Variants in MTRR observed in about 807,000 individuals in gnomAD.
MTRR encodes the protein methionine synthase reductase.
A neutral mutation model predicts 79.2 loss-of-function variants in MTRR; 63 were observed. That is an observed-to-expected ratio of 0.80 (90% CI 0.65 to 0.98). The LOEUF (loss-of-function observed/expected upper bound fraction) is 0.98, where lower values mean the gene tolerates loss of function less well. Among genes scored for constraint, MTRR ranks in the 50% least tolerant of loss-of-function variants. The pLI is 0.00. For missense variants in MTRR, 895 were observed against 839.6 expected (o/e 1.07, Z -0.82); for synonymous variants, 355 against 313.3 (o/e 1.13, Z -1.41).
chr5:7,852,238 A>G (rs1746097428), intron 1 of MTRR, among the ~76,000 whole-genome samples: 1 of 152,192 alleles, frequency 6.6e-6, no homozygotes. Flanking sequence ...CTTGTCTGCC[A>G]TTCTGTGATG....
intron 6 of MTRR, among the ~76,000 whole-genome samples, chr5:7,884,861 A>G (rs1736156651): frequency 6.6e-6 from 1 of 152,036 alleles, no homozygotes; most frequent in Admixed American, 6.5e-5. Flanking sequence ...TGTAGATTTA[A>G]TCAAACTTCC....
chr5:7,877,172 G>A (rs1246637518), intron 4 of MTRR, among the ~76,000 whole-genome samples: 2 of 152,106 alleles, frequency 1.3e-5, no homozygotes, highest in African/African-American at 2.4e-5. Context: ...GATTAAAAGT[G>A]GTGTTATTTC....
chr5:7,896,630 A>G, intron 12 of MTRR: 2 of 578,498 alleles, frequency 3.5e-6, no homozygotes, highest in South Asian at 4.1e-5. Context: ...AATTGTCCTC[A>G]TTTTGTGTAT....
intron 5 of MTRR, among the ~76,000 whole-genome samples, chr5:7,878,854 G>C (rs1310285734): frequency 1.3e-5 from 2 of 152,240 alleles, no homozygotes; most frequent in Non-Finnish European, 2.9e-5. Context: ...AGAGCAGGCA[G>C]TCTTTGAATG....
chr5:7,872,190 A>C (rs140605937), intron 2 of MTRR: 7,321 of 446,484 alleles, frequency 0.016, 78 homozygotes, highest in Non-Finnish European at 0.024. Context: ...GAAGCATTAA[A>C]TACTTCGGTA....
chr5:7,862,177 C>T (rs1321290261), intron 2 of MTRR: 2 of 152,534 alleles, frequency 1.3e-5, no homozygotes, highest in African/African-American at 4.8e-5. Flanking sequence ...AAGTGACCAT[C>T]TGAAGCCTAT....
Position 7,900,465 on chromosome 5 carries a change from A to G in MTRR, c.*407A>G, listed in dbSNP as rs1423192181. 4.7e-6 allele frequency: 1 copy of G among 211,188 alleles called. No homozygotes were observed. Among genetic ancestry groups the G allele is most frequent in the Non-Finnish European group, 9.7e-6 (1 of 103,506 alleles). The allele number at this position is 211,188 out of a possible 1,614,324, so 13.1% of individuals were successfully genotyped here. ...GTGCCAACATTTAAAAAAGTATGAAAATGATTTATTTTTATATGATGTATA... is the reference window on the plus strand; with the variant it reads ...GTGCCAACATTTAAAAAAGTATGAAGATGATTTATTTTTATATGATGTATA... On this transcript the variant is annotated 3_prime_UTR_variant, in exon 15 of 15. Transcript: ENST00000440940.
At chr5:7,885,563 T>A in intron 6 of MTRR, 138 bp from the exon 7 acceptor site, 2 of 558,082 alleles carry the variant, frequency 3.6e-6, no homozygotes, top group Non-Finnish European at 2.8e-6. Flanking sequence ...CAATTGTGTG[T>A]TTTTTTTTTT....
chr5:7,873,919 C>CT (rs1194398530), intron 3 of MTRR, among the ~76,000 whole-genome samples: 1 of 152,208 alleles, frequency 6.6e-6, no homozygotes, highest in Non-Finnish European at 1.5e-5. Flanking sequence ...GATAACTTCT[C>CT]TAAGAACGAT....
upstream of MTRR, chr5:7,868,160 A>C: frequency 1.4e-6 from 1 of 716,916 alleles, no homozygotes; most frequent in Non-Finnish European, 2.1e-6. Context: ...AACATGATTG[A>C]CCCAACATCA....
chr5:7,886,003 CAT>C, intron 7 of MTRR, 149 bp downstream of exon 7: 3 of 937,636 alleles, frequency 3.2e-6, no homozygotes, highest in Non-Finnish European at 5.1e-6. Flanking sequence ...GGAACACAGG[CAT>C]ACGCTGGTAT....
intron 5 of MTRR, among the ~76,000 whole-genome samples, chr5:7,882,371 C>G (rs777115508): frequency 6.6e-6 from 1 of 152,216 alleles, no homozygotes; most frequent in Non-Finnish European, 1.5e-5. Context: ...TAGTCATTGT[C>G]AGCACTGCCA....
chr5:7,869,449 G>A, intron 1 of MTRR: 1 of 566,194 alleles, frequency 1.8e-6, no homozygotes, highest in Non-Finnish European at 3.1e-6. Flanking sequence ...CTCTGCCGCG[G>A]GAGGCCCCTG....
chr5:7,884,528 G>C (rs539703297), intron 6 of MTRR, among the ~76,000 whole-genome samples: 3 of 151,240 alleles, frequency 2.0e-5, no homozygotes, highest in African/African-American at 7.3e-5. Context: ...GTTTTTTTCC[G>C]TCCCAAATAT....
chr5:7,896,806 A>T, intron 12 of MTRR, 58 bp from the exon 13 acceptor site: 1 of 1,324,728 alleles, frequency 7.5e-7, no homozygotes, highest in Non-Finnish European at 1.1e-6. Flanking sequence ...CTAATGAAAG[A>T]GATTGGTTTT....
chr5:7,879,908 A>G (rs1440412044), intron 5 of MTRR, among the ~76,000 whole-genome samples: 2 of 152,160 alleles, frequency 1.3e-5, no homozygotes, highest in African/African-American at 4.8e-5. Flanking sequence ...GCCCCACGCA[A>G]AGCTGGTGGC....
chr5:7,866,014 C>T (rs755936605), upstream of MTRR: 6 of 1,526,188 alleles, frequency 3.9e-6, no homozygotes, highest in South Asian at 1.1e-5. Flanking sequence ...GTCATAGTTA[C>T]GTCTGAATTG....
chr5:7,861,206 C>A, intron 1 of MTRR: 1 of 1,612,698 alleles, frequency 6.2e-7, no homozygotes. Flanking sequence ...CTTCTTTCCC[C>A]AGTAAGTGTT....
At position 7,885,814 on chromosome 5, in the gene MTRR, C is replaced by G. The variant is rs1736327224; in HGVS notation, c.1017C>G (p.His339Gln). 1 of 1,613,936 alleles carries G rather than the reference C, an allele frequency of 6.2e-7. No homozygotes were observed. The highest frequency in any genetic ancestry group is 1.7e-5 in the Admixed American group (1 of 59,988). The change falls in exon 7 of 15, where the codon CAC becomes CAG. Residue 339 changes from histidine to glutamine, a missense_variant. By Grantham distance (24) the His-to-Gln change is conservative (BLOSUM62 0). Transcript: ENST00000440940. ...TGCAGCTTGAAGATAAAAGAGAGCA[C>G]TGCGTCCTTTTGAAAATAAAGGCAG... ...QRLQLEDKRE[H>Q]CVLLKIKADT...
Sources: gnomAD v4.1 joint callset for allele counts (sites outside exome capture counted in the v4.1 genomes callset) on GRCh38, gnomAD v4.1.1 for gene constraint, MANE v1.5 for transcripts, NCBI Gene and HGNC (gene_info 2026-07-23, HGNC 2026-07-21) for gene names.